Variants in MAN1A2 observed in about 807,000 individuals in gnomAD.
MAN1A2 encodes mannosidase alpha class 1A member 2.
In MAN1A2, 26 loss-of-function variants were observed where a neutral mutation model predicts 75.7. The observed-to-expected ratio is 0.34, with a 90% CI of 0.25 to 0.48. The LOEUF (loss-of-function observed/expected upper bound fraction) is 0.48. Among genes scored for constraint, MAN1A2 ranks in the 20% least tolerant of loss-of-function variants. The pLI is 0.99. For synonymous variants in MAN1A2, 247 were observed against 264.6 expected (o/e 0.93, Z 0.65); for missense variants, 562 against 775.5 (o/e 0.72, Z 3.27).
intron 1 of MAN1A2, among the ~76,000 whole-genome samples, chr1:117,398,326 GA>G (rs1647288592): frequency 6.6e-6 from 1 of 152,126 alleles, no homozygotes; most frequent in Non-Finnish European, 1.5e-5. Context: ...TTTAAGCGAG[GA>G]AACCTCATGC....
Position 117,526,880 on chromosome 1 carries a change from C to CTCTCTCTCTCTCTCTCTCTA in MAN1A2, c.*3924_*3925insCTCTCTCTCTCTCTCTCTAT. On this transcript the variant is annotated 3_prime_UTR_variant, in exon 13 of 13. Transcript: ENST00000356554. ...TCTCTCTCTCTCTCTCTCTCTCTCT[C>CTCTCTCTCTCTCTCTCTCTA]TATATATATATATATATATATATAT... The CTCTCTCTCTCTCTCTCTCTA allele has an allele frequency of 1.1e-4, 6 of 54,518 alleles. No individual in the cohort carries two copies. Among genetic ancestry groups the CTCTCTCTCTCTCTCTCTCTA allele is most frequent in the Admixed American group, 2.4e-4 (1 of 4,176 alleles). 3.4% of individuals were successfully genotyped at this position (54,518 alleles called of 1,614,324 possible). A position where few individuals can be genotyped will look rare whatever the true frequency, so the allele number is the denominator to read the frequency against.
chr1:117,398,798 T>C (rs1177259892), intron 1 of MAN1A2, among the ~76,000 whole-genome samples: 1 of 152,064 alleles, frequency 6.6e-6, no homozygotes, highest in Non-Finnish European at 1.5e-5. Flanking sequence ...TAATAGGCCA[T>C]AATATAATAG....
chr1:117,490,835 G>A (rs1650855443), intron 8 of MAN1A2, among the ~76,000 whole-genome samples: 1 of 152,070 alleles, frequency 6.6e-6, no homozygotes, highest in East Asian at 1.9e-4. Flanking sequence ...TAGCCATATT[G>A]CAGGCATGGG....
chr1:117,500,268 C>T (rs1190070261), intron 11 of MAN1A2, among the ~76,000 whole-genome samples: 1 of 151,954 alleles, frequency 6.6e-6, no homozygotes, highest in Non-Finnish European at 1.5e-5. Context: ...GTAATACACA[C>T]TCTCTTAGTT....
Position 117,414,896 on chromosome 1 carries a change from A to G in MAN1A2, c.774+65A>G, listed in dbSNP as rs1349064303. The G allele has an allele frequency of 5.1e-6, 5 of 975,296 alleles. No individual in the cohort carries two copies. In the East Asian group the frequency reaches 7.2e-5, roughly 14 times the overall value. The allele number at this position is 975,296 out of a possible 1,614,324, so 60.4% of individuals were successfully genotyped here. ...TGAAAAGACACAATGTCTAACTGCT[A>G]TGGTCTGAACATTTGTGCCTTCCTA... On this transcript the variant is annotated intron_variant, in intron 4 of 12. Coordinates refer to ENST00000356554, the MANE Select transcript of MAN1A2 (RefSeq NM_006699.5).
chr1:117,378,034 A>G (rs1653212123), intron 1 of MAN1A2, among the ~76,000 whole-genome samples: 1 of 152,180 alleles, frequency 6.6e-6, no homozygotes, highest in African/African-American at 2.4e-5. Context: ...CCTGGGAGGC[A>G]GAGCTTGCAG....
rs1415010940 is a variant in MAN1A2 at position 117,471,654 on chromosome 1, G to GT, written c.1168+5237dup. 1.0e-3 allele frequency among the ~76,000 whole-genome samples: 153 copies of GT among 147,520 alleles called. 1 individual carries two copies. In the East Asian group the frequency reaches 0.011, roughly 10 times the overall value. ...ATGGACAGAATTCTCACTTGAGAAG[G>GT]TTTTTTTTTTGTTTGTATATTTTGT... On this transcript the variant is annotated intron_variant, in intron 8 of 12. Coordinates refer to ENST00000356554, the MANE Select transcript of MAN1A2 (RefSeq NM_006699.5).
chr1:117,407,060 T>C (rs1016088210), intron 3 of MAN1A2, among the ~76,000 whole-genome samples: 5 of 152,122 alleles, frequency 3.3e-5, no homozygotes, highest in Non-Finnish European at 5.9e-5. Flanking sequence ...AAAATTAATT[T>C]TGACACTTAG....
intron 1 of MAN1A2, among the ~76,000 whole-genome samples, chr1:117,391,728 C>G (rs531812225): frequency 2.6e-5 from 4 of 152,184 alleles, no homozygotes; most frequent in Non-Finnish European, 5.9e-5. Context: ...AACCTACGAG[C>G]TTTGTTGACT....
At position 117,368,412 on chromosome 1, in the gene MAN1A2, C is replaced by A. The variant is rs1299300167; in HGVS notation, c.229C>A (p.His77Asn). Reference sequence around the variant, plus strand: ...GGGTTTAGAAGATGTGTTAATTCCACATGTAGATGCCGGTAAAGGGGCTAA... The same window carrying A: ...GGGTTTAGAAGATGTGTTAATTCCAAATGTAGATGCCGGTAAAGGGGCTAA... ...DLGLEDVLIP[H>N]VDAGKGAKNP... The change falls in exon 1 of 13, where the codon CAT becomes AAT. Residue 77 changes from histidine to asparagine, a missense_variant. Transcript: ENST00000356554. 1 of 1,613,986 alleles carries A rather than the reference C, an allele frequency of 6.2e-7. No individual in the cohort carries two copies. The highest frequency in any genetic ancestry group is 8.5e-7 in the Non-Finnish European group (1 of 1,180,016).
chr1:117,517,367 G>C (rs1651743191), intron 12 of MAN1A2, among the ~76,000 whole-genome samples: 1 of 152,174 alleles, frequency 6.6e-6, no homozygotes, highest in Non-Finnish European at 1.5e-5. Context: ...AAAGATGTTA[G>C]AATTAGTAGA....
chr1:117,502,078 A>G (rs1274739434), intron 11 of MAN1A2, among the ~76,000 whole-genome samples: 1 of 151,746 alleles, frequency 6.6e-6, no homozygotes, highest in African/African-American at 2.4e-5. Flanking sequence ...AAAAAGAGTA[A>G]GAATTTTAAC....
intron 7 of MAN1A2, among the ~76,000 whole-genome samples, chr1:117,461,393 G>T (rs1256709854): frequency 1.3e-5 from 2 of 152,134 alleles, no homozygotes; most frequent in Admixed American, 1.3e-4. Context: ...GTTATCAGAG[G>T]CTTGGAAGGG....
At chr1:117,458,526 T>G (rs534805343) in intron 6 of MAN1A2, among the ~76,000 whole-genome samples, 7 of 103,508 alleles carry the variant, frequency 6.8e-5, no homozygotes, top group Admixed American at 2.8e-4. Flanking sequence ...TATATATATT[T>G]TTTTTTTTTT....
Position 117,414,744 on chromosome 1 carries a change from T to C in MAN1A2, c.687T>C (p.Asp229=). Residue 229 remains aspartate (D), a synonymous_variant, in exon 4 of 13, where the codon GAT becomes GAC. Coordinates refer to ENST00000356554, the MANE Select transcript of MAN1A2 (RefSeq NM_006699.5). ...CACAAATGGGTGCTACCATAGTAGA[T>C]GCTTTGGATACCCTTTATATCATGG... ...GSSQMGATIV[D]ALDTLYIMGL... The C allele has an allele frequency of 3.7e-6, 6 of 1,607,628 alleles. No individual in the cohort carries two copies. Among genetic ancestry groups the C allele is most frequent in the Non-Finnish European group, 5.1e-6 (6 of 1,174,910 alleles).
At chr1:117,406,197 C>G (rs919081614) in intron 3 of MAN1A2, among the ~76,000 whole-genome samples, 1 of 152,142 alleles carries the variant, frequency 6.6e-6, no homozygotes, top group African/African-American at 2.4e-5. Flanking sequence ...TCCCTGAGCT[C>G]AGTTCACTTG....
Position 117,524,726 on chromosome 1 carries a change from CA to C in MAN1A2, c.*1776del. ...TTTTTCAGTATAAAATTTTTCACTGCAAAAAAATTTCAGTAGAAAATAAGGA... is the reference window on the plus strand; with the variant it reads ...TTTTTCAGTATAAAATTTTTCACTGCAAAAAATTTCAGTAGAAAATAAGGA... On this transcript the variant is annotated 3_prime_UTR_variant, in exon 13 of 13. Coordinates refer to ENST00000356554, the MANE Select transcript of MAN1A2 (RefSeq NM_006699.5). 1 of 154,170 alleles carries C rather than the reference CA, an allele frequency of 6.5e-6. No individual in the cohort carries two copies. Among genetic ancestry groups the C allele is most frequent in the Non-Finnish European group, 1.4e-5 (1 of 69,218 alleles). 9.6% of individuals were successfully genotyped at this position (154,170 alleles called of 1,614,324 possible).
Position 117,367,960 on chromosome 1 carries a change from A to G in MAN1A2, c.-224A>G. The G allele has an allele frequency of 1.9e-6, 1 of 537,062 alleles. No individual in the cohort carries two copies. The highest frequency in any genetic ancestry group is 3.3e-6 in the Non-Finnish European group (1 of 303,942). 33.3% of individuals were successfully genotyped at this position (537,062 alleles called of 1,614,324 possible). On this transcript the variant is annotated 5_prime_UTR_variant, in exon 1 of 13. In the 5' UTR this introduces an upstream ATG that the reference lacks. Coordinates refer to ENST00000356554, the MANE Select transcript of MAN1A2 (RefSeq NM_006699.5). ...ATGAAGTACAGATGTTGAAGAGGATATCGCAGGACCTAAACTTGTGATCGT... is the reference window on the plus strand; with the variant it reads ...ATGAAGTACAGATGTTGAAGAGGATGTCGCAGGACCTAAACTTGTGATCGT...
chr1:117,488,078 C>G (rs1395369301), intron 8 of MAN1A2, among the ~76,000 whole-genome samples: 4 of 152,056 alleles, frequency 2.6e-5, no homozygotes, highest in African/African-American at 9.7e-5. Context: ...CTGTCTTCTA[C>G]TCCTCCAAGT....
Sources: allele counts gnomAD v4.1 joint callset (sites outside exome capture counted in the v4.1 genomes callset), GRCh38; gene constraint gnomAD v4.1.1; transcripts MANE v1.5; gene names NCBI Gene and HGNC (gene_info 2026-07-23, HGNC 2026-07-21).